ATOSA: variants seen among roughly 807,000 people sequenced by gnomAD.
The protein encoded by ATOSA is atos homolog A, also known as atos homolog protein A.
At chr15:52,610,299 G>A in the ATOSA span, 1 of 1,614,008 alleles carries the variant, frequency 6.2e-7, no homozygotes, top group Non-Finnish European at 8.5e-7. Context: ...AGGCAACATT[G>A]TGAGAAACAT....
chr15:52,632,830 C>T, the ATOSA span, among the ~76,000 whole-genome samples: 1 of 152,102 alleles, frequency 6.6e-6, no homozygotes, highest in African/African-American at 2.4e-5. Flanking sequence ...TGCCATGAAG[C>T]ATAAAATCTT....
At chr15:52,661,875 T>C in the ATOSA span, among the ~76,000 whole-genome samples, 1 of 115,632 alleles carries the variant, frequency 8.6e-6, no homozygotes, top group African/African-American at 3.4e-5. Flanking sequence ...CACACATGCT[T>C]AGATAAACAA....
the ATOSA span, among the ~76,000 whole-genome samples, chr15:52,707,946 A>G: frequency 1.3e-5 from 2 of 152,192 alleles, no homozygotes; most frequent in African/African-American, 4.8e-5. Context: ...TTGGATAGCC[A>G]GGAAAATCCC....
At chr15:52,672,172 CAAAAAAAAAA>C in the ATOSA span, among the ~76,000 whole-genome samples, 14 of 62,586 alleles carry the variant, frequency 2.2e-4, no homozygotes, top group African/African-American at 9.7e-4. Context: ...CCCCATTTCT[CAAAAAAAAAA>C]AAAAAAAAAA....
chr15:52,707,471 C>T, the ATOSA span, among the ~76,000 whole-genome samples: 1 of 152,134 alleles, frequency 6.6e-6, no homozygotes, highest in South Asian at 2.1e-4. Flanking sequence ...AATGATCGGC[C>T]TACATTCTTC....
the ATOSA span, chr15:52,582,058 C>T: frequency 1.0e-6 from 1 of 961,104 alleles, no homozygotes; most frequent in African/African-American, 1.7e-5. Flanking sequence ...GGAGAGAATC[C>T]ACTCTCCTGA....
At chr15:52,606,720 T>A in the ATOSA span, among the ~76,000 whole-genome samples, 1 of 152,182 alleles carries the variant, frequency 6.6e-6, no homozygotes, top group Non-Finnish European at 1.5e-5. Context: ...ACAATTATAC[T>A]TTTAGAAAAT....
chr15:52,632,295 T>C, the ATOSA span, among the ~76,000 whole-genome samples: 1 of 152,346 alleles, frequency 6.6e-6, no homozygotes. Flanking sequence ...AGAACCATGT[T>C]GCTTATAATA....
chr15:52,655,333 A>G, the ATOSA span, among the ~76,000 whole-genome samples: 1 of 152,144 alleles, frequency 6.6e-6, no homozygotes, highest in African/African-American at 2.4e-5. Flanking sequence ...CCATTAATAC[A>G]CTGCTTGTAA....
the ATOSA span, among the ~76,000 whole-genome samples, chr15:52,594,890 CTT>C: frequency 2.0e-5 from 3 of 152,134 alleles, no homozygotes; most frequent in Admixed American, 6.5e-5. Context: ...CACTTAAAAA[CTT>C]TGTTTCCTGC....
the ATOSA span, among the ~76,000 whole-genome samples, chr15:52,596,333 A>G: frequency 2.0e-5 from 3 of 152,220 alleles, no homozygotes; most frequent in South Asian, 4.1e-4. Flanking sequence ...TAAAATTTAT[A>G]TGAAAAGATA....
the ATOSA span, among the ~76,000 whole-genome samples, chr15:52,650,324 T>C: frequency 6.6e-6 from 1 of 152,196 alleles, no homozygotes; most frequent in African/African-American, 2.4e-5. Context: ...TTTATTTTGC[T>C]ATAATTTTTA....
the ATOSA span, chr15:52,613,837 C>A: frequency 1.9e-6 from 3 of 1,613,602 alleles, no homozygotes; most frequent in Non-Finnish European, 2.5e-6. Context: ...GCATCATATT[C>A]AAAATATTCA....
the ATOSA span, among the ~76,000 whole-genome samples, chr15:52,674,703 A>G: frequency 6.6e-6 from 1 of 152,124 alleles, no homozygotes; most frequent in Non-Finnish European, 1.5e-5. Flanking sequence ...AACACTATCA[A>G]TGCAAAACAG....
chr15:52,687,672 G>A, the ATOSA span, among the ~76,000 whole-genome samples: 1 of 152,178 alleles, frequency 6.6e-6, no homozygotes, highest in Non-Finnish European at 1.5e-5. Context: ...ATGCCATTTT[G>A]GAAGGTCAGT....
chr15:52,693,931 C>T, the ATOSA span, among the ~76,000 whole-genome samples: 2 of 152,136 alleles, frequency 1.3e-5, no homozygotes, highest in Non-Finnish European at 2.9e-5. Context: ...CGTGTCTGCA[C>T]TACTTAAATT....
chr15:52,607,086 T>A, the ATOSA span, among the ~76,000 whole-genome samples: 1 of 152,208 alleles, frequency 6.6e-6, no homozygotes, highest in Non-Finnish European at 1.5e-5. Flanking sequence ...CACTCTAAGA[T>A]AGGCAAAAGA....
At chr15:52,656,271 C>T in the ATOSA span, 1 of 152,030 alleles carries the variant, frequency 6.6e-6, no homozygotes, top group East Asian at 1.9e-4. Context: ...ATCATTAAAC[C>T]AGTTTTTATT....
the ATOSA span, chr15:52,611,363 T>C: frequency 1.4e-6 from 2 of 1,407,574 alleles, no homozygotes. Flanking sequence ...ATTTGTGCTT[T>C]GAAGAGCATA....
Sources: gnomAD v4.1 joint callset for allele counts (sites outside exome capture counted in the v4.1 genomes callset) on GRCh38, gnomAD v4.1.1 for gene constraint, MANE v1.5 for transcripts, NCBI Gene and HGNC (gene_info 2026-07-23, HGNC 2026-07-21) for gene names.